The following CDH23 variants were observed in gnomAD, a reference collection of about 807,000 sequenced individuals.
CDH23 encodes the protein cadherin-23.
In CDH23, 189 loss-of-function variants were observed where a neutral mutation model predicts 317.1. That is an observed-to-expected ratio of 0.60 (90% CI 0.53 to 0.67). CDH23 has a LOEUF of 0.67. Among genes scored for constraint, CDH23 ranks in the 30% least tolerant of loss-of-function variants. CDH23 has a pLI of 0.00. For missense variants in CDH23, 4,401 were observed against 4,592.4 expected (o/e 0.96, Z 1.20); for synonymous variants, 1,839 against 1,876.8 (o/e 0.98, Z 0.52).
At chr10:71,424,620 T>C (rs1329547701) in intron 1 of CDH23, among the ~76,000 whole-genome samples, 1 of 152,186 alleles carries the variant, frequency 6.6e-6, no homozygotes, top group Admixed American at 6.5e-5. Flanking sequence ...CCCTGCAACA[T>C]AGTGTCAGGC....
chr10:71,483,852 G>A, intron 3 of CDH23, among the ~76,000 whole-genome samples: 1 of 152,114 alleles, frequency 6.6e-6, no homozygotes, highest in East Asian at 1.9e-4. Context: ...CTGTGTTTCT[G>A]TGTTCACTCT....
intron 7 of CDH23, 37 bp from the exon 8 acceptor site, chr10:71,570,753 C>T (rs1564659673): frequency 1.9e-6 from 3 of 1,572,820 alleles, no homozygotes; most frequent in Admixed American, 1.9e-5. Context: ...CCCACCATCA[C>T]TCAACCTAAG....
chr10:71,672,096 A>G (rs375664267), intron 14 of CDH23, among the ~76,000 whole-genome samples: 118 of 152,122 alleles, frequency 7.8e-4, no homozygotes, highest in African/African-American at 2.5e-3. Flanking sequence ...CAGTGTGATC[A>G]GGGCTGGGAA....
chr10:71,796,169 T>C (rs4747192), intron 48 of CDH23: 277,099 of 845,422 alleles, frequency 0.33, 46,614 homozygotes, highest in East Asian at 0.62. Context: ...CAGATACCCC[T>C]GTACCTGAGA....
At chr10:71,793,736 C>A in intron 48 of CDH23, 96 bp downstream of exon 48, 1 of 955,068 alleles carries the variant, frequency 1.0e-6, no homozygotes, top group Non-Finnish European at 1.5e-6. Flanking sequence ...TCTTTCTTTG[C>A]TGTTCCCTTG....
intron 38 of CDH23, among the ~76,000 whole-genome samples, chr10:71,770,096 G>A (rs982091706): frequency 1.5e-4 from 23 of 152,194 alleles, no homozygotes; most frequent in Non-Finnish European, 3.1e-4. Flanking sequence ...TCCCAGTGAA[G>A]CTCACCAATG....
intron 44 of CDH23, among the ~76,000 whole-genome samples, chr10:71,788,603 G>A (rs954184893): frequency 6.6e-6 from 1 of 151,782 alleles, no homozygotes; most frequent in Admixed American, 6.6e-5. Context: ...CTACAGGTGC[G>A]TGCCACCACG....
At chr10:71,779,659 AACAAGGGCTGGTGGCCTTGGAGGG>A (rs1840903832) in intron 41 of CDH23, among the ~76,000 whole-genome samples, 1 of 152,230 alleles carries the variant, frequency 6.6e-6, no homozygotes, top group Non-Finnish European at 1.5e-5. Context: ...ATAATCTGGG[AACAAGGGCTGGTGGCCTTGGAGGG>A]ACACAGACTC....
intron 3 of CDH23, among the ~76,000 whole-genome samples, chr10:71,509,742 G>C (rs1471527365): frequency 6.6e-6 from 1 of 152,118 alleles, no homozygotes; most frequent in Admixed American, 6.5e-5. Flanking sequence ...AAATATTGGG[G>C]GCCTGTCCTC....
chr10:71,430,832 G>A (rs943095680), intron 1 of CDH23, among the ~76,000 whole-genome samples: 1 of 152,114 alleles, frequency 6.6e-6, no homozygotes, highest in African/African-American at 2.4e-5. Context: ...CAGCCTAAAT[G>A]TCCACTGGCA....
At chr10:71,407,021 T>G (rs1310142552) in intron 1 of CDH23, among the ~76,000 whole-genome samples, 1 of 152,176 alleles carries the variant, frequency 6.6e-6, no homozygotes, top group Non-Finnish European at 1.5e-5. Flanking sequence ...CGAATTAGGG[T>G]CAGCTGTTAC....
At chr10:71,640,450 A>G (rs540293487) in intron 11 of CDH23, among the ~76,000 whole-genome samples, 3 of 152,346 alleles carry the variant, frequency 2.0e-5, no homozygotes, top group South Asian at 2.1e-4. Context: ...AGGGCTTGTT[A>G]AAACAGTACT....
At chr10:71,679,593 C>T in intron 17 of CDH23, 101 bp downstream of exon 17, 1 of 933,574 alleles carries the variant, frequency 1.1e-6, no homozygotes, top group South Asian at 1.5e-5. Context: ...CTCCTTGTCT[C>T]CCTGACACTC....
In CDH23 at chr10:71,491,607, A is replaced by G. The variant is rs78002384; in HGVS notation, c.146-18475A>G. On this transcript the variant is annotated intron_variant, in intron 3 of 69. Transcript: ENST00000224721. ...CTCTACGCCCTTCATTTGTAACACA[A>G]CTAGGAGTATCACACTTTAATCCTC... is the stretch of plus-strand genomic sequence containing the variant. 3.1e-4 allele frequency among the ~76,000 whole-genome samples: 47 copies of G among 152,324 alleles called. No homozygotes were observed. In the East Asian group the frequency reaches 6.9e-3, roughly 23 times the overall value.
At chr10:71,598,100 C>T (rs916369340) in intron 9 of CDH23, among the ~76,000 whole-genome samples, 11 of 152,346 alleles carry the variant, frequency 7.2e-5, no homozygotes, top group East Asian at 1.9e-4. Flanking sequence ...AGGCTCCACC[C>T]GGCCTTTCGT....
intron 11 of CDH23, among the ~76,000 whole-genome samples, chr10:71,625,692 C>T (rs574466213): frequency 1.3e-3 from 198 of 152,332 alleles, no homozygotes; most frequent in Middle Eastern, 3.4e-3. Context: ...GCCCTCCCCA[C>T]GCAGCTCTGC....
Position 71,739,755 on chromosome 10 carries a change from G to A in CDH23, c.4471G>A (p.Asp1491Asn), listed in dbSNP as rs778345244. The change falls in exon 36 of 70, where the codon GAT becomes AAT. Residue 1491 changes from aspartate (D) to asparagine (N), a missense_variant. Around this residue, in one of 3 missense-constraint regions of CDH23, gnomAD observed 3,068 missense variants for 3,203.3 expected, o/e 0.96. Coordinates refer to ENST00000224721, the MANE Select transcript of CDH23 (RefSeq NM_022124.6). ...CAGGCCCCTGGACAGAGAAGAGCTG[G>A]ATCACTACATCCTCCAGGTGGGGCC... is the stretch of plus-strand genomic sequence containing the variant. ...VARPLDREEL[D>N]HYILQVVASD... 7 of 1,611,850 alleles carry A rather than the reference G, an allele frequency of 4.3e-6. No individual in the cohort carries two copies. The Admixed American group carries it at 1.2e-4, about 27-fold the overall frequency.
intron 11 of CDH23, chr10:71,622,896 G>A: frequency 3.0e-6 from 3 of 985,194 alleles, no homozygotes; most frequent in Non-Finnish European, 3.6e-6. Flanking sequence ...GCTGCTTCTG[G>A]GAATTGGAAT....
chr10:71,454,989 A>G (rs72642232), intron 3 of CDH23, among the ~76,000 whole-genome samples: 1,824 of 152,012 alleles, frequency 0.012, 84 homozygotes, highest in East Asian at 0.12. Flanking sequence ...AGGCTAATGA[A>G]GCAACACCTG....
Sources: gnomAD v4.1 joint callset for allele counts (sites outside exome capture counted in the v4.1 genomes callset) on GRCh38, gnomAD v4.1.1 for gene constraint, gnomAD v4.1.1 regional missense constraint, MANE v1.5 for transcripts, NCBI Gene and HGNC (gene_info 2026-07-23, HGNC 2026-07-21) for gene names.